The following ANO3 variants were observed in gnomAD, a reference collection of about 807,000 sequenced individuals.
The protein encoded by ANO3 is anoctamin-3.
ANO3 carries 99 observed loss-of-function variants against 144.8 expected under a neutral mutation model. The ratio of observed to expected loss-of-function variants is 0.68; its 90% CI spans 0.58 to 0.81. ANO3 has a LOEUF of 0.81. ANO3 is among the 30% of genes least tolerant of loss of function. The pLI is 0.00. For synonymous variants in ANO3, 414 were observed against 392.6 expected (o/e 1.05, Z -0.64); for missense variants, 905 against 1,202.2 (o/e 0.75, Z 3.66).
intron 6 of ANO3, among the ~76,000 whole-genome samples, chr11:26,523,628 C>G (rs71480124): frequency 9.3e-4 from 141 of 152,340 alleles, no homozygotes; most frequent in Non-Finnish European, 1.7e-3. Flanking sequence ...GAGGAGAAGT[C>G]TCTTTCGTTT....
intron 1 of ANO3, among the ~76,000 whole-genome samples, chr11:26,339,143 C>G (rs1338825087): frequency 6.6e-6 from 1 of 151,776 alleles, no homozygotes; most frequent in African/African-American, 2.4e-5. Flanking sequence ...TCCCTGACTC[C>G]AAAGTCCACT....
intron 1 of ANO3, among the ~76,000 whole-genome samples, chr11:26,371,261 G>C (rs1412379806): frequency 3.3e-5 from 5 of 152,220 alleles, no homozygotes; most frequent in Admixed American, 6.5e-5. Context: ...CCCAAGCCTT[G>C]GCAGCTGCCA....
At chr11:26,572,010 G>T in intron 14 of ANO3, 1 of 843,196 alleles carries the variant, frequency 1.2e-6, no homozygotes, top group Non-Finnish European at 1.4e-6. Flanking sequence ...GAGAGAAAGC[G>T]AGAGACCTAA....
chr11:26,286,960 G>A (rs1326982809), intron 1 of ANO3, among the ~76,000 whole-genome samples: 3 of 152,174 alleles, frequency 2.0e-5, no homozygotes, highest in Admixed American at 2.0e-4. Flanking sequence ...ATTTTTGCAG[G>A]AAGGAGTTTA....
At chr11:26,321,795 G>C (rs1300521642) in intron 1 of ANO3, among the ~76,000 whole-genome samples, 1 of 151,896 alleles carries the variant, frequency 6.6e-6, no homozygotes, top group African/African-American at 2.4e-5. Context: ...AAATTCCTTA[G>C]TGGTCAGGAA....
At chr11:26,211,653 C>A (rs534130753) in intron 1 of ANO3, among the ~76,000 whole-genome samples, 1 of 152,252 alleles carries the variant, frequency 6.6e-6, no homozygotes, top group Admixed American at 6.5e-5. Flanking sequence ...GACAGTTTGG[C>A]AATTTCTCAA....
intron 1 of ANO3, among the ~76,000 whole-genome samples, chr11:26,240,400 GC>G (rs1225812883): frequency 6.6e-6 from 1 of 152,092 alleles, no homozygotes; most frequent in Non-Finnish European, 1.5e-5. Flanking sequence ...CTTCAGAGAT[GC>G]ATTTGGTAAG....
intron 4 of ANO3, among the ~76,000 whole-genome samples, chr11:26,467,120 T>C (rs1859627359): frequency 6.6e-6 from 1 of 151,996 alleles, no homozygotes; most frequent in Admixed American, 6.6e-5. Context: ...TGTTTATAGT[T>C]AACAGCAGTC....
chr11:26,249,863 A>G (rs1852886880), intron 1 of ANO3, among the ~76,000 whole-genome samples: 1 of 152,176 alleles, frequency 6.6e-6, no homozygotes, highest in Non-Finnish European at 1.5e-5. Flanking sequence ...TTTCCTATGC[A>G]AAGTCTTCCG....
Position 26,439,417 on chromosome 11 carries a change from C to T in ANO3, c.47-2501C>T, listed in dbSNP as rs1266292995. Among the ~76,000 whole-genome samples, 3 of 152,154 alleles carry T rather than the reference C, an allele frequency of 2.0e-5. No homozygotes were observed. The East Asian group carries it at 5.8e-4, about 29-fold the overall frequency. ...TGCAGTGGGAGAAAATAGGCAAATG[C>T]ATGGAGGCAAGAAATTAGGTTAGTA... On this transcript the variant is annotated intron_variant, in intron 1 of 26. Transcript: ENST00000256737.
chr11:26,216,452 C>T lies in ANO3; in HGVS notation c.154+27122C>T, dbSNP rs191873014. Among the ~76,000 whole-genome samples, 890 of 152,032 alleles carry T rather than the reference C, an allele frequency of 5.9e-3. 6 individuals are homozygous for T. Among genetic ancestry groups the T allele is most frequent in the Non-Finnish European group, 0.01 (712 of 67,876 alleles). ...TCCATGTCTTTTTGTGGCTTGATAGCTCATTACATTTTATTGTTGAATAAT... is the reference window on the plus strand; with the variant it reads ...TCCATGTCTTTTTGTGGCTTGATAGTTCATTACATTTTATTGTTGAATAAT... On this transcript the variant is annotated intron_variant, in intron 1 of 27. Coordinates refer to the ANO3 transcript ENST00000672621.
intron 1 of ANO3, among the ~76,000 whole-genome samples, chr11:26,385,818 CACACAT>C (rs58944548): frequency 0.04 from 4,743 of 117,398 alleles, 246 homozygotes; most frequent in African/African-American, 0.15. Flanking sequence ...CCAAGTTTCA[CACACAT>C]ACACACACAC....
chr11:26,528,545 G>T (rs1004957291), intron 7 of ANO3, among the ~76,000 whole-genome samples: 4 of 152,054 alleles, frequency 2.6e-5, no homozygotes, highest in Admixed American at 6.6e-5. Context: ...TAGAGCCTTG[G>T]GTGCTGTAGC....
chr11:26,297,197 G>A (rs1854112658), intron 1 of ANO3, among the ~76,000 whole-genome samples: 1 of 151,952 alleles, frequency 6.6e-6, no homozygotes, highest in Non-Finnish European at 1.5e-5. Flanking sequence ...GTGTGTGTGT[G>A]TGTGTGTGTG....
intron 1 of ANO3, among the ~76,000 whole-genome samples, chr11:26,293,782 T>C (rs1854021888): frequency 6.6e-6 from 1 of 151,884 alleles, no homozygotes; most frequent in Admixed American, 6.6e-5. Context: ...TCTACTTACA[T>C]GTCCTTGTGC....
chr11:26,307,053 G>A (rs1025872428), upstream of ANO3, among the ~76,000 whole-genome samples: 7 of 151,838 alleles, frequency 4.6e-5, no homozygotes, highest in African/African-American at 1.2e-4. Flanking sequence ...TTCCCAAAAT[G>A]TACTTTTAAT....
In ANO3 at chr11:26,542,080, G is replaced by A; in HGVS notation, c.1154+12G>A. 6.2e-7 allele frequency: 1 copy of A among 1,603,748 alleles called. No individual in the cohort carries two copies. The highest frequency in any genetic ancestry group is 8.5e-7 in the Non-Finnish European group (1 of 1,175,806). ...CTGGATTTAATCAGGTACTGCAAAT[G>A]GAACAATAATGAAAAGCAAAGTATT... On this transcript the variant is annotated intron_variant, in intron 11 of 26. Transcript: ENST00000256737.
chr11:26,467,670 T>TA (rs1165684030), intron 4 of ANO3, among the ~76,000 whole-genome samples: 3 of 151,684 alleles, frequency 2.0e-5, no homozygotes, highest in Non-Finnish European at 4.4e-5. Context: ...TTTTTTTTTT[T>TA]ATCCATTCGC....
intron 10 of ANO3, among the ~76,000 whole-genome samples, chr11:26,539,738 C>A (rs1165470411): frequency 6.6e-6 from 1 of 152,100 alleles, no homozygotes; most frequent in Non-Finnish European, 1.5e-5. Flanking sequence ...TCAAGAGCCA[C>A]AATATATCAA....
Sources: gnomAD v4.1 joint callset for allele counts (sites outside exome capture counted in the v4.1 genomes callset) on GRCh38, gnomAD v4.1.1 for gene constraint, MANE v1.5 for transcripts, NCBI Gene and HGNC (gene_info 2026-07-23, HGNC 2026-07-21) for gene names.